SNED1: variants seen among roughly 807,000 people sequenced by gnomAD.
SNED1 encodes the protein sushi, nidogen and EGF-like domain-containing protein 1.
A neutral mutation model predicts 166.7 loss-of-function variants in SNED1; 81 were observed. The observed-to-expected ratio is 0.49, with a 90% CI of 0.41 to 0.58. SNED1 has a LOEUF of 0.58. SNED1 is among the 20% of genes least tolerant of loss of function. The probability of loss-of-function intolerance (pLI) is 0.00; values close to 1 mark genes in which losing one functional copy is unlikely to be tolerated. For synonymous variants in SNED1, 762 were observed against 822.0 expected, an observed-to-expected ratio of 0.93 and a Z score of 1.25; for missense variants, 1,604 against 2,000.2, an observed-to-expected ratio of 0.80 and a Z score of 3.78.
rs200071415 is a variant in SNED1 at position 241,030,368 on chromosome 2, G to A, written c.298G>A (p.Val100Met). 1.4e-5 allele frequency: 22 copies of A among 1,611,852 alleles called. No individual in the cohort carries two copies. Among genetic ancestry groups the A allele is most frequent in the Admixed American group, 6.7e-5 (4 of 59,744 alleles). Reference protein sequence around the residue: ...VAFPIAKDRCVVAAFWADVDN... With the variant: ...VAFPIAKDRCMVAAFWADVDN... Reference sequence around the variant, plus strand: ...CTTCCCCATTGCCAAGGACCGCTGCGTGGTGGCAGCCTTCTGGGCAGATGT... The same window carrying A: ...CTTCCCCATTGCCAAGGACCGCTGCATGGTGGCAGCCTTCTGGGCAGATGT... Residue 100 changes from valine to methionine, a missense_variant, in exon 2 of 32, where the codon GTG (valine) becomes ATG (methionine). This residue lies in a region of SNED1 where 1,237 missense variants were observed against 1,620.8 expected (regional missense o/e 0.76). Coordinates refer to ENST00000310397, the MANE Select transcript of SNED1 (RefSeq NM_001080437.3).
At chr2:241,057,570 A>G (rs547501621) in intron 16 of SNED1, among the ~76,000 whole-genome samples, 39 of 151,392 alleles carry the variant, frequency 2.6e-4, no homozygotes, top group Admixed American at 2.6e-4. Flanking sequence ...TGTAGTCCCA[A>G]CTACTCAAGA....
chr2:241,052,893 A>C (rs899868943), intron 15 of SNED1, among the ~76,000 whole-genome samples: 2 of 144,092 alleles, frequency 1.4e-5, no homozygotes, highest in Non-Finnish European at 3.1e-5. Flanking sequence ...AGTGGCAGGC[A>C]GGTGAGAGGG....
At chr2:241,012,332 A>T (rs536451302) in intron 1 of SNED1, among the ~76,000 whole-genome samples, 1 of 152,354 alleles carries the variant, frequency 6.6e-6, no homozygotes, top group African/African-American at 2.4e-5. Flanking sequence ...CGTGCAAAAA[A>T]AGATCAAACG....
At chr2:241,078,034 T>G (rs546325236) in intron 27 of SNED1, among the ~76,000 whole-genome samples, 2 of 152,120 alleles carry the variant, frequency 1.3e-5, no homozygotes, top group Non-Finnish European at 2.9e-5. Context: ...CAAATATTTA[T>G]AGCAGCACAG....
At position 241,068,867 on chromosome 2, in the gene SNED1, G is replaced by A. The variant is rs1416168995; in HGVS notation, c.3195-44G>A. The A allele has an allele frequency of 7.3e-7, 1 of 1,371,526 alleles. No individual in the cohort carries two copies. The highest frequency in any genetic ancestry group is 2.1e-5 in the Admixed American group (1 of 47,636). The allele number at this position is 1,371,526 out of a possible 1,614,324, so 85.0% of individuals were successfully genotyped here. ...GGTCTGGCAGCAGAGTCACACACAG[G>A]TCCCAGACATCCCTGTTCTCTCTTT... is the stretch of plus-strand genomic sequence containing the variant. On this transcript the variant is annotated intron_variant, in intron 22 of 31. Coordinates refer to ENST00000310397, the MANE Select transcript of SNED1 (RefSeq NM_001080437.3). The surrounding 1 kb of genome is among the most constrained non-coding windows in gnomAD (Gnocchi z 5.3).
intron 18 of SNED1, 120 bp downstream of exon 18, chr2:241,063,820 G>C: frequency 1.2e-6 from 1 of 849,460 alleles, no homozygotes; most frequent in Non-Finnish European, 1.8e-6. Flanking sequence ...GGACCCCCAG[G>C]GCTGCGGCCA....
intron 21 of SNED1, among the ~76,000 whole-genome samples, chr2:241,066,193 C>T (rs915813012): frequency 1.3e-5 from 2 of 152,138 alleles, no homozygotes; most frequent in Admixed American, 6.5e-5. Flanking sequence ...GGAGCCTCCT[C>T]AGAGCCTGAG....
intron 28 of SNED1, among the ~76,000 whole-genome samples, 153 bp downstream of exon 28, chr2:241,081,946 C>A (rs2063348553): frequency 6.6e-6 from 1 of 152,202 alleles, no homozygotes; most frequent in South Asian, 2.1e-4. Context: ...CCTGAGCCCC[C>A]AGGGGCTGCG....
rs115554095 is a variant in SNED1 at position 241,049,558 on chromosome 2, G to A, written c.1619-259G>A. On this transcript the variant is annotated intron_variant, in intron 11 of 31. Transcript: ENST00000310397. ...ATGCTGGCAGTGATGACAGGAAGGC[G>A]TTTCTGTATCACAGCTCAGTCCTGC... is the stretch of plus-strand genomic sequence containing the variant. Among the ~76,000 whole-genome samples, 1,449 of 152,330 alleles carry A rather than the reference G, an allele frequency of 9.5e-3. 20 individuals carry two copies. The highest frequency in any genetic ancestry group is 0.033 in the African/African-American group (1,377 of 41,568).
chr2:241,064,129 G>A lies in SNED1; in HGVS notation c.2599+4G>A, dbSNP rs748095900. On this transcript the variant is annotated splice_donor_region_variant and intron_variant, in intron 19 of 31. Coordinates refer to ENST00000310397, the MANE Select transcript of SNED1 (RefSeq NM_001080437.3). The surrounding 1 kb of genome is among the most constrained non-coding windows in gnomAD (Gnocchi z 7.0). ...TTCGGCTACCACTGCGAGACAGGTA[G>A]GGCGGCAGGCCTGCCTGCTCCCCGC... 7 of 1,545,974 alleles carry A rather than the reference G, an allele frequency of 4.5e-6. No homozygotes were observed. The African/African-American group carries it at 8.2e-5, about 18-fold the overall frequency.
At position 241,090,154 on chromosome 2, in the gene SNED1, C is replaced by T. The variant is rs527944341; in HGVS notation, c.*2-1484C>T. On this transcript the variant is annotated intron_variant, in intron 31 of 31. Transcript: ENST00000310397. ...CAGCTTAAAATACAAACACACTGTA[C>T]GGATGTTCAAAATTGTTTTCTGTCC... 8.0e-5 allele frequency: 117 copies of T among 1,461,548 alleles called. 2 individuals carry two copies. The Middle Eastern group carries it at 3.9e-3, about 48-fold the overall frequency. The allele number at this position is 1,461,548 out of a possible 1,614,324, so 90.5% of individuals were successfully genotyped here.
intron 1 of SNED1, among the ~76,000 whole-genome samples, chr2:241,023,888 C>CCTTT (rs2060847588): frequency 1.1e-5 from 1 of 91,994 alleles, no homozygotes; most frequent in African/African-American, 4.7e-5. Flanking sequence ...TTTTTTTTTC[C>CCTTT]TTTTTTTTTT....
At chr2:241,050,284 G>A (rs79673380) in intron 12 of SNED1, among the ~76,000 whole-genome samples, 1 of 152,104 alleles carries the variant, frequency 6.6e-6, no homozygotes, top group Non-Finnish European at 1.5e-5. Context: ...GGAAAATGTC[G>A]AATTTTATTA....
rs894721460 is a variant in SNED1, at chr2:240,999,735, G to T, written c.213+685G>T. Among the ~76,000 whole-genome samples, 6 of 152,174 alleles carry T rather than the reference G, an allele frequency of 3.9e-5. No homozygotes were observed. Among genetic ancestry groups the T allele is most frequent in the Non-Finnish European group, 5.9e-5 (4 of 68,018 alleles). ...AGGCTCAGCTCAGCTGAAGGAACAG[G>T]CCCGAGTGCCGGTTCTGTCTCCATG... is the stretch of plus-strand genomic sequence containing the variant. On this transcript the variant is annotated intron_variant, in intron 1 of 31. Transcript: ENST00000310397. The surrounding 1 kb of genome is among the most constrained non-coding windows in gnomAD (Gnocchi z 5.8).
chr2:241,073,416 G>C lies in SNED1; in HGVS notation c.3916+52G>C. On this transcript the variant is annotated intron_variant, in intron 27 of 31. Coordinates refer to ENST00000310397, the MANE Select transcript of SNED1 (RefSeq NM_001080437.3). This position sits in a 1 kb window ranked among gnomAD's most constrained non-coding sequence, Gnocchi z 6.6. ...TTGGGACTGACTGACTGCTCTCAGG[G>C]GCCTTAGAGGCTGCAGGCAGGAGGG... is the stretch of plus-strand genomic sequence containing the variant. The C allele has an allele frequency of 7.0e-7, 1 of 1,427,632 alleles. No homozygotes were observed. The highest frequency in any genetic ancestry group is 9.7e-7 in the Non-Finnish European group (1 of 1,034,338). 88.4% of individuals were successfully genotyped at this position (1,427,632 alleles called of 1,614,324 possible). A position where few individuals can be genotyped will look rare whatever the true frequency, so the allele number is the denominator to read the frequency against.
intron 27 of SNED1, among the ~76,000 whole-genome samples, chr2:241,081,398 CCTT>C (rs1338383440): frequency 1.3e-5 from 2 of 152,166 alleles, no homozygotes; most frequent in African/African-American, 2.4e-5. Flanking sequence ...TCTCCCTCCT[CCTT>C]CTCCTCCTCC....
chr2:241,080,120 A>G (rs922051770), intron 27 of SNED1, among the ~76,000 whole-genome samples: 1 of 152,112 alleles, frequency 6.6e-6, no homozygotes, highest in Admixed American at 6.5e-5. Flanking sequence ...CCCCGTCTCT[A>G]CTAAAATACA....
intron 2 of SNED1, among the ~76,000 whole-genome samples, chr2:241,031,676 T>C (rs1025675059): frequency 1.3e-5 from 2 of 152,228 alleles, no homozygotes; most frequent in Non-Finnish European, 2.9e-5. Context: ...CCATGGGCCC[T>C]TACTGGCTCT....
Position 241,082,362 on chromosome 2 carries a change from C to G in SNED1, c.4119C>G (p.His1373Gln). The G allele has an allele frequency of 1.2e-6, 2 of 1,612,356 alleles. No homozygotes were observed. Among genetic ancestry groups the G allele is most frequent in the Non-Finnish European group, 1.7e-6 (2 of 1,178,520 alleles). The change falls in exon 29 of 32, where the codon CAC becomes CAG. Residue 1373 changes from histidine to glutamine, a missense_variant and splice_region_variant. His to Gln is a conservative substitution (Grantham distance 24). Transcript: ENST00000310397. ...TCTGGGAGGGAGGCGTCTGTCACCACGTGTAAGTTGGTTTCTGTCCTCCGC... is the reference window on the plus strand; with the variant it reads ...TCTGGGAGGGAGGCGTCTGTCACCAGGTGTAAGTTGGTTTCTGTCCTCCGC... ...FPVWEGGVCH[H>Q]VYKRVYRVHQ...
Sources: gnomAD v4.1 joint callset for allele counts (sites outside exome capture counted in the v4.1 genomes callset) on GRCh38, gnomAD v4.1.1 for gene constraint, gnomAD v4.1.1 regional missense constraint, Gnocchi (gnomAD v3.1) non-coding constraint, MANE v1.5 for transcripts, NCBI Gene and HGNC (gene_info 2026-07-23, HGNC 2026-07-21) for gene names.